JAK2: variants seen among roughly 807,000 people sequenced by gnomAD.
JAK2 encodes the protein tyrosine-protein kinase JAK2.
JAK2 carries 86 observed loss-of-function variants against 139.3 expected under a neutral mutation model. The observed-to-expected ratio is 0.62, with a 90% CI of 0.52 to 0.74. The LOEUF (loss-of-function observed/expected upper bound fraction) is 0.74. Ranked by LOEUF, JAK2 falls within the 30% of genes least tolerant of loss-of-function variation. The probability of loss-of-function intolerance (pLI) is 0.00; values close to 1 mark genes in which losing one functional copy is unlikely to be tolerated. For synonymous variants in JAK2, 490 were observed against 437.7 expected (o/e 1.12, Z -1.49); for missense variants, 1,421 against 1,360.3 (o/e 1.04, Z -0.70).
At chr9:5,109,084 C>G (rs1185535074) in intron 22 of JAK2, 2 of 152,100 alleles carry the variant, frequency 1.3e-5, no homozygotes, top group African/African-American at 4.8e-5. Context: ...TTCTCCTGAT[C>G]AAACATCACT....
chr9:5,077,128 G>A (rs1428503942), intron 14 of JAK2, among the ~76,000 whole-genome samples: 1 of 151,442 alleles, frequency 6.6e-6, no homozygotes, highest in Admixed American at 6.6e-5. Flanking sequence ...ATGTGGAAGA[G>A]AAATTGAGAA....
At chr9:5,090,970 T>C in intron 22 of JAK2, 59 bp downstream of exon 22, 1 of 1,129,762 alleles carries the variant, frequency 8.9e-7, no homozygotes, top group Middle Eastern at 2.8e-4. Flanking sequence ...AACTTTATTG[T>C]TGTTATTTAA....
chr9:5,000,692 A>G (rs1285018151), intron 2 of JAK2, among the ~76,000 whole-genome samples: 1 of 152,134 alleles, frequency 6.6e-6, no homozygotes, highest in Non-Finnish European at 1.5e-5. Context: ...AGGTTTTAAT[A>G]CGTCTGTAAT....
intron 22 of JAK2, among the ~76,000 whole-genome samples, chr9:5,115,704 A>G (rs1823096958): frequency 6.6e-6 from 1 of 152,280 alleles, no homozygotes; most frequent in South Asian, 2.1e-4. Context: ...AATGTGACAC[A>G]TATACACCAT....
chr9:5,098,335 G>T (rs913052351), intron 22 of JAK2: 1 of 152,156 alleles, frequency 6.6e-6, no homozygotes, highest in African/African-American at 2.4e-5. Context: ...AATCCTATAT[G>T]TCTTAATGGC....
intron 22 of JAK2, among the ~76,000 whole-genome samples, chr9:5,106,161 TCAGA>T (rs1404763515): frequency 2.0e-5 from 3 of 151,776 alleles, no homozygotes; most frequent in Non-Finnish European, 4.4e-5. Context: ...AATCTACCCA[TCAGA>T]CAAAGGGCTA....
intron 22 of JAK2, among the ~76,000 whole-genome samples, chr9:5,093,245 A>T (rs1468161417): frequency 6.6e-6 from 1 of 152,192 alleles, no homozygotes; most frequent in Non-Finnish European, 1.5e-5. Context: ...AAATATTACA[A>T]AAAGTAAAAG....
intron 2 of JAK2, among the ~76,000 whole-genome samples, chr9:5,000,589 AG>A (rs1820870151): frequency 6.6e-6 from 1 of 152,200 alleles, no homozygotes; most frequent in Non-Finnish European, 1.5e-5. Context: ...GCCAACTTTT[AG>A]GAGTTTTCTT....
At chr9:5,015,035 C>T (rs554878073) in intron 2 of JAK2, among the ~76,000 whole-genome samples, 6 of 152,162 alleles carry the variant, frequency 3.9e-5, no homozygotes, top group African/African-American at 1.4e-4. Context: ...TATTTTACAG[C>T]TTACAGTTTT....
chr9:4,989,903 G>A (rs1820148909), intron 2 of JAK2, among the ~76,000 whole-genome samples: 1 of 152,192 alleles, frequency 6.6e-6, no homozygotes, highest in Non-Finnish European at 1.5e-5. Context: ...TGAGAAGAAT[G>A]TACTTTGACC....
chr9:5,050,609 G>A (rs578048436), intron 5 of JAK2, 77 bp from the exon 6 acceptor site: 894 of 1,408,722 alleles, frequency 6.3e-4, no homozygotes, highest in Middle Eastern at 6.0e-3. Flanking sequence ...TGAAAATTAT[G>A]ATTAAAATAT....
At chr9:5,079,408 A>G (rs1174270107) in intron 16 of JAK2, among the ~76,000 whole-genome samples, 1 of 152,132 alleles carries the variant, frequency 6.6e-6, no homozygotes, top group African/African-American at 2.4e-5. Flanking sequence ...CCGTGATTTG[A>G]GCAGAGCCCA....
chr9:5,083,675 A>C (rs754577695), intron 19 of JAK2, among the ~76,000 whole-genome samples: 1 of 152,184 alleles, frequency 6.6e-6, no homozygotes, highest in Non-Finnish European at 1.5e-5. Flanking sequence ...ACAATGGAAT[A>C]TATACTGGTA....
rs150038496 is a variant in JAK2, at chr9:5,063,884, A to G, written c.1057-999A>G. ...GTATTAAGATACAATCAGGCCGGGC[A>G]TGGTGACTCACGCGTGTAATCCCAG... On this transcript the variant is annotated intron_variant, in intron 8 of 24. Coordinates refer to ENST00000381652, the MANE Select transcript of JAK2 (RefSeq NM_004972.4). Among the ~76,000 whole-genome samples the G allele has an allele frequency of 9.6e-4, 147 of 152,370 alleles. 2 individuals carry two copies. In the East Asian group the frequency reaches 0.02, roughly 21 times the overall value.
chr9:5,069,862 C>T, intron 11 of JAK2, 63 bp from the exon 12 acceptor site: 2 of 1,139,346 alleles, frequency 1.8e-6, no homozygotes, highest in Non-Finnish European at 2.5e-6. Context: ...TTTTACTCCT[C>T]TTTGGAGCAA....
At chr9:5,006,467 A>G (rs1003431707) in intron 2 of JAK2, among the ~76,000 whole-genome samples, 2 of 152,126 alleles carry the variant, frequency 1.3e-5, no homozygotes, top group African/African-American at 4.8e-5. Context: ...TTGTTCTCAT[A>G]TTGCTATAAA....
chr9:5,088,247 C>G (rs1820286546), intron 19 of JAK2, among the ~76,000 whole-genome samples: 1 of 152,092 alleles, frequency 6.6e-6, no homozygotes, highest in South Asian at 2.1e-4. Flanking sequence ...CTGGGTCTAT[C>G]CACCTTATTG....
In JAK2 at chr9:5,050,783, T is replaced by C; in HGVS notation, c.566T>C (p.Ile189Thr). ...ATGGCAGTGTTAGATATGATGAGAA[T>C]AGCCAAAGAAAACGATCAAACCCCA... The part of the protein sequence containing the change: ...LGMAVLDMMR[I>T]AKENDQTPLA... Residue 189 changes from isoleucine to threonine, a missense_variant, in exon 6 of 25, where the codon ATA becomes ACA. Ile to Thr is a moderately conservative substitution (Grantham distance 89). Transcript: ENST00000381652. 1.2e-6 allele frequency: 2 copies of C among 1,613,626 alleles called. No individual in the cohort carries two copies. The highest frequency in any genetic ancestry group is 8.5e-7 in the Non-Finnish European group (1 of 1,179,630).
intron 3 of JAK2, among the ~76,000 whole-genome samples, chr9:5,023,947 G>A (rs1822606640): frequency 6.6e-6 from 1 of 152,058 alleles, no homozygotes; most frequent in South Asian, 2.1e-4. Context: ...TAGCTAGTAA[G>A]ATTTTAGCTT....
Sources: gnomAD v4.1 joint callset for allele counts (sites outside exome capture counted in the v4.1 genomes callset) on GRCh38, gnomAD v4.1.1 for gene constraint, MANE v1.5 for transcripts, NCBI Gene and HGNC (gene_info 2026-07-23, HGNC 2026-07-21) for gene names.